Variants in BNC2 observed in about 807,000 individuals in gnomAD.
BNC2 encodes zinc finger protein basonuclin-2.
In BNC2, 20 loss-of-function variants were observed where a neutral mutation model predicts 76.3. That is an observed-to-expected ratio of 0.26 (90% CI 0.18 to 0.38). BNC2 has a LOEUF of 0.38. Among genes scored for constraint, BNC2 ranks in the 10% least tolerant of loss-of-function variants. The pLI, the probability that BNC2 is intolerant of heterozygous loss-of-function variation, is 1.00. For missense variants in BNC2, 1,382 were observed against 1,399.8 expected, an observed-to-expected ratio of 0.99 and a Z score of 0.20; for synonymous variants, 582 against 514.8, an observed-to-expected ratio of 1.13 and a Z score of -1.77.
chr9:16,571,799 C>T (rs1190237447), intron 4 of BNC2, among the ~76,000 whole-genome samples: 7 of 152,024 alleles, frequency 4.6e-5, no homozygotes, highest in African/African-American at 9.7e-5. Flanking sequence ...ACAGGTTTTC[C>T]GCTGACAAGG....
intron 3 of BNC2, among the ~76,000 whole-genome samples, chr9:16,674,468 T>C (rs117375329): frequency 3.7e-3 from 566 of 152,288 alleles, no homozygotes; most frequent in Middle Eastern, 0.01. Context: ...GGTGTCATGA[T>C]TATTTTAGTT....
chr9:16,768,133 T>C (rs1158935037), intron 1 of BNC2, among the ~76,000 whole-genome samples: 1 of 151,988 alleles, frequency 6.6e-6, no homozygotes, highest in Non-Finnish European at 1.5e-5. Flanking sequence ...GCCTGGCTAA[T>C]TTTTGTATTT....
chr9:16,773,863 T>C (rs931639388), intron 1 of BNC2, among the ~76,000 whole-genome samples: 1 of 152,226 alleles, frequency 6.6e-6, no homozygotes, highest in Non-Finnish European at 1.5e-5. Flanking sequence ...TGAATACAAA[T>C]AATGTGCTTG....
chr9:16,414,046 A>G lies in BNC2; in HGVS notation c.*4943T>C, dbSNP rs1820532581. 1 of 152,108 alleles carries G rather than the reference A, an allele frequency of 6.6e-6. No homozygotes were observed. The highest frequency in any genetic ancestry group is 6.6e-5 in the Admixed American group (1 of 15,264). The allele number at this position is 152,108 out of a possible 1,614,324, so 9.4% of individuals were successfully genotyped here. ...TCGGTTCTCAGGGGATTCCAGCAAC[A>G]CTTCCCACTCAAAAACAAAGCAAAA... is the stretch of plus-strand genomic sequence containing the variant. On this transcript the variant is annotated 3_prime_UTR_variant, in exon 7 of 7. Transcript: ENST00000380672.
At chr9:16,723,268 C>T (rs994512305) in intron 3 of BNC2, among the ~76,000 whole-genome samples, 1 of 152,006 alleles carries the variant, frequency 6.6e-6, no homozygotes, top group Admixed American at 6.6e-5. Context: ...CAATGAAAGT[C>T]GTTTTCAAAG....
chr9:16,734,809 T>C (rs550981540), intron 2 of BNC2, among the ~76,000 whole-genome samples: 118 of 152,242 alleles, frequency 7.8e-4, no homozygotes, highest in East Asian at 3.1e-3. Context: ...CTTAGACCAA[T>C]AGAGGAAAAT....
At chr9:16,488,787 C>G (rs1230464460) in intron 5 of BNC2, among the ~76,000 whole-genome samples, 1 of 152,012 alleles carries the variant, frequency 6.6e-6, no homozygotes, top group African/African-American at 2.4e-5. Flanking sequence ...AAAACCAAAA[C>G]AGTCTTAAAA....
chr9:16,861,498 G>A (rs1029356024), intron 1 of BNC2, among the ~76,000 whole-genome samples: 4 of 147,256 alleles, frequency 2.7e-5, no homozygotes, highest in African/African-American at 1.0e-4. Context: ...TAACCCAAGT[G>A]AAAAATGGCC....
At chr9:16,792,365 C>G (rs917077877) in intron 1 of BNC2, among the ~76,000 whole-genome samples, 2 of 152,182 alleles carry the variant, frequency 1.3e-5, no homozygotes, top group Non-Finnish European at 2.9e-5. Flanking sequence ...TTCTTCAAAA[C>G]TTCATCACTA....
At chr9:16,653,618 G>A (rs974276706) in intron 3 of BNC2, among the ~76,000 whole-genome samples, 13 of 152,140 alleles carry the variant, frequency 8.5e-5, no homozygotes, top group African/African-American at 2.7e-4. Context: ...AGCAGGCATC[G>A]GTTTCTCTCT....
chr9:16,641,172 T>C (rs1241665254), intron 3 of BNC2, among the ~76,000 whole-genome samples: 2 of 152,208 alleles, frequency 1.3e-5, no homozygotes. Context: ...GAAAGACCAC[T>C]GATTACTTTT....
At chr9:16,603,355 T>A (rs1245551426) in intron 3 of BNC2, among the ~76,000 whole-genome samples, 2 of 152,306 alleles carry the variant, frequency 1.3e-5, no homozygotes, top group African/African-American at 4.8e-5. Context: ...TAAAATTACA[T>A]TTTTCATATT....
In BNC2 at chr9:16,436,963, C is replaced by G; in HGVS notation, c.1231G>C (p.Val411Leu). Residue 411 changes from valine (V) to leucine (L), a missense_variant, in exon 6 of 7, where the codon GTC becomes CTC. Transcript: ENST00000380672. ...TGTTCAGTTTTGGTTAGATCACTGA[C>G]TGGGGCAGAATTCTGAATGGGAGAG... ...CVSPIQNSAP[V>L]SDLTKTEHPK... The G allele has an allele frequency of 6.2e-7, 1 of 1,614,128 alleles. No individual in the cohort carries two copies. The highest frequency in any genetic ancestry group is 8.5e-7 in the Non-Finnish European group (1 of 1,180,034).
intron 3 of BNC2, among the ~76,000 whole-genome samples, chr9:16,642,432 A>T (rs1171005088): frequency 6.6e-6 from 1 of 152,156 alleles, no homozygotes; most frequent in Non-Finnish European, 1.5e-5. Context: ...TACATATTTT[A>T]ACATATTCTT....
At chr9:16,492,703 G>A (rs1313826845) in intron 5 of BNC2, among the ~76,000 whole-genome samples, 3 of 150,934 alleles carry the variant, frequency 2.0e-5, no homozygotes, top group Non-Finnish European at 4.4e-5. Flanking sequence ...ATCCTTCGAG[G>A]GTGGTAAAGG....
chr9:16,456,829 A>T (rs1821462288), intron 5 of BNC2, among the ~76,000 whole-genome samples: 3 of 152,218 alleles, frequency 2.0e-5, no homozygotes. Context: ...AATATTGTAA[A>T]AAACATCAAA....
chr9:16,636,473 T>C (rs558968443), intron 3 of BNC2, among the ~76,000 whole-genome samples: 1 of 152,132 alleles, frequency 6.6e-6, no homozygotes, highest in East Asian at 1.9e-4. Context: ...CAGCTAATTT[T>C]TTAATTTTTT....
chr9:16,868,424 T>C (rs942588041), intron 1 of BNC2, among the ~76,000 whole-genome samples: 2 of 152,200 alleles, frequency 1.3e-5, no homozygotes, highest in African/African-American at 4.8e-5. Context: ...ATATCTTACA[T>C]CTCAAATAGA....
At chr9:16,665,488 A>AAGAAAGAAAGAAAGAG (rs1370606458) in intron 3 of BNC2, among the ~76,000 whole-genome samples, 3 of 135,522 alleles carry the variant, frequency 2.2e-5, no homozygotes, top group African/African-American at 9.0e-5. Context: ...GAAAGAAAGA[A>AAGAAAGAAAGAAAGAG]AGAGAGAGAG....
Sources: gnomAD v4.1 joint callset for allele counts (sites outside exome capture counted in the v4.1 genomes callset) on GRCh38, gnomAD v4.1.1 for gene constraint, MANE v1.5 for transcripts, NCBI Gene and HGNC (gene_info 2026-07-23, HGNC 2026-07-21) for gene names.